JPH3: variants seen among roughly 807,000 people sequenced by gnomAD.
The protein encoded by JPH3 is junctophilin-3.
A neutral mutation model predicts 59.6 loss-of-function variants in JPH3; 11 were observed. The ratio of observed to expected loss-of-function variants is 0.18; its 90% CI spans 0.12 to 0.31. The LOEUF (loss-of-function observed/expected upper bound fraction) is 0.31. Ranked by LOEUF, JPH3 falls within the 10% of genes least tolerant of loss-of-function variation. The probability of loss-of-function intolerance (pLI) is 1.00; values close to 1 mark genes in which losing one functional copy is unlikely to be tolerated. For missense variants in JPH3, 1,202 were observed against 1,105.7 expected, an observed-to-expected ratio of 1.09 and a Z score of -1.24; for synonymous variants, 673 against 483.6, an observed-to-expected ratio of 1.39 and a Z score of -5.14.
chr16:87,677,181 T>TAC (rs1341594297), intron 2 of JPH3, among the ~76,000 whole-genome samples: 2 of 72,628 alleles, frequency 2.8e-5, no homozygotes, highest in East Asian at 4.9e-4. Context: ...GCACTATATA[T>TAC]ATATACACAC....
chr16:87,677,032 G>A (rs766150775), intron 2 of JPH3, among the ~76,000 whole-genome samples: 9 of 151,448 alleles, frequency 5.9e-5, no homozygotes, highest in Non-Finnish European at 1.2e-4. Context: ...GGTGGCGGGC[G>A]CCTGTAGTCC....
At chr16:87,632,041 CT>C (rs1463044860) in intron 1 of JPH3, among the ~76,000 whole-genome samples, 1 of 152,138 alleles carries the variant, frequency 6.6e-6, no homozygotes, top group Non-Finnish European at 1.5e-5. Context: ...AAGGCTTCTC[CT>C]TGTGTCTGAG....
rs908539600 is a variant in JPH3 at position 87,690,557 on chromosome 16, T to A, written c.2166+31T>A. On this transcript the variant is annotated intron_variant, in intron 4 of 4. Coordinates refer to ENST00000284262, the MANE Select transcript of JPH3 (RefSeq NM_020655.4). Reference sequence around the variant, plus strand: ...TGGGCGGCCACCAGGCTGGTCCCAGTGGAGGCAACATCCACCTCTCTGCTG... The same window carrying A: ...TGGGCGGCCACCAGGCTGGTCCCAGAGGAGGCAACATCCACCTCTCTGCTG... 2.8e-6 allele frequency: 4 copies of A among 1,444,246 alleles called. No individual in the cohort carries two copies. The African/African-American group carries it at 5.7e-5, about 21-fold the overall frequency. The allele number at this position is 1,444,246 out of a possible 1,614,324, so 89.5% of individuals were successfully genotyped here.
chr16:87,608,446 G>T (rs996257683), intron 1 of JPH3, among the ~76,000 whole-genome samples: 1 of 152,200 alleles, frequency 6.6e-6, no homozygotes, highest in Non-Finnish European at 1.5e-5. Context: ...TGGACTGGCC[G>T]CTTCCCCCGC....
At chr16:87,605,310 A>G (rs560429647) in intron 1 of JPH3, among the ~76,000 whole-genome samples, 2 of 152,334 alleles carry the variant, frequency 1.3e-5, no homozygotes, top group South Asian at 4.1e-4. Flanking sequence ...ACATCTCCAG[A>G]GTCCTGAGGA....
At chr16:87,657,413 G>A (rs2032539734) in intron 2 of JPH3, among the ~76,000 whole-genome samples, 1 of 152,138 alleles carries the variant, frequency 6.6e-6, no homozygotes. Context: ...AACGGGGAGT[G>A]GCTTCTTCAT....
At chr16:87,685,443 C>T (rs2033394277) in intron 3 of JPH3, among the ~76,000 whole-genome samples, 1 of 152,280 alleles carries the variant, frequency 6.6e-6, no homozygotes, top group Non-Finnish European at 1.5e-5. Context: ...GTCTCGCCCT[C>T]AGGCCCTGAG....
intron 4 of JPH3, among the ~76,000 whole-genome samples, chr16:87,691,329 G>C (rs532611573): frequency 6.6e-6 from 1 of 152,168 alleles, no homozygotes; most frequent in Non-Finnish European, 1.5e-5. Flanking sequence ...GCTGTGGGAC[G>C]GTGGCTACAT....
chr16:87,695,677 G>A, intron 4 of JPH3: 1 of 455,758 alleles, frequency 2.2e-6, no homozygotes, highest in South Asian at 1.5e-5. Context: ...CTGTAGGGCA[G>A]CACCCACCCC....
intron 2 of JPH3, among the ~76,000 whole-genome samples, chr16:87,645,385 TGTGCTAGCTA>T (rs2032112559): frequency 6.6e-6 from 1 of 152,244 alleles, no homozygotes; most frequent in African/African-American, 2.4e-5. Flanking sequence ...GGAGTGCTGC[TGTGCTAGCTA>T]GTAGGGGTGA....
At chr16:87,677,573 G>A (rs1455714577) in intron 2 of JPH3, among the ~76,000 whole-genome samples, 1 of 152,170 alleles carries the variant, frequency 6.6e-6, no homozygotes, top group Non-Finnish European at 1.5e-5. Flanking sequence ...TGAGGAAACT[G>A]AGGCCCAGAG....
chr16:87,683,732 G>A (rs1032332617), intron 2 of JPH3, among the ~76,000 whole-genome samples: 3 of 152,124 alleles, frequency 2.0e-5, no homozygotes, highest in South Asian at 2.1e-4. Flanking sequence ...TCAGTGTCCC[G>A]AGTAGCTGGG....
At chr16:87,637,871 G>A (rs2031809871) in intron 1 of JPH3, among the ~76,000 whole-genome samples, 1 of 152,062 alleles carries the variant, frequency 6.6e-6, no homozygotes. Flanking sequence ...GGGGGCTGCT[G>A]GTGTTCTGTG....
Position 87,644,821 on chromosome 16 carries a change from G to T in JPH3, c.946G>T (p.Ala316Ser). Residue 316 changes from alanine to serine, a missense_variant, in exon 2 of 5, where the codon GCC (alanine) becomes TCC (serine). Physicochemically the swap from Ala to Ser is moderately conservative, Grantham distance 99. Transcript: ENST00000284262. ...SDGLKYEGEWASNRRHGYGCM... is the reference protein window; with the variant it reads ...SDGLKYEGEWSSNRRHGYGCM... Reference sequence around the variant, plus strand: ...CGGGCTCAAGTACGAGGGCGAGTGGGCCAGCAACCGGCGCCATGGCTACGG... The same window carrying T: ...CGGGCTCAAGTACGAGGGCGAGTGGTCCAGCAACCGGCGCCATGGCTACGG... 2 of 1,613,384 alleles carry T rather than the reference G, an allele frequency of 1.2e-6. No individual in the cohort carries two copies. The highest frequency in any genetic ancestry group is 1.1e-5 in the South Asian group (1 of 91,068).
At chr16:87,643,217 A>G (rs1349413147) in intron 1 of JPH3, among the ~76,000 whole-genome samples, 1 of 152,154 alleles carries the variant, frequency 6.6e-6, no homozygotes, top group African/African-American at 2.4e-5. Flanking sequence ...CCTGTGTGAG[A>G]ATGTTCTACC....
At chr16:87,604,656 C>G (rs1004472810) in intron 1 of JPH3, 96 of 1,160,828 alleles carry the variant, frequency 8.3e-5, no homozygotes, top group Middle Eastern at 3.9e-4. Flanking sequence ...CCCGCCCGCT[C>G]GCTGCCTCCG....
chr16:87,650,297 A>C (rs1054936160), intron 2 of JPH3, among the ~76,000 whole-genome samples: 2 of 152,206 alleles, frequency 1.3e-5, no homozygotes, highest in African/African-American at 4.8e-5. Flanking sequence ...GGGATGCCAC[A>C]CATCGCACCC....
At chr16:87,630,754 G>C (rs865834636) in intron 1 of JPH3, among the ~76,000 whole-genome samples, 3 of 152,148 alleles carry the variant, frequency 2.0e-5, no homozygotes, top group Admixed American at 6.5e-5. Context: ...AAGTGGGTGT[G>C]TTTGCCGCTT....
At chr16:87,620,762 G>C (rs1436383478) in intron 1 of JPH3, among the ~76,000 whole-genome samples, 1 of 152,236 alleles carries the variant, frequency 6.6e-6, no homozygotes, top group Admixed American at 6.5e-5. Flanking sequence ...ATTTCCCAAG[G>C]CCACACGGTT....
Sources: allele counts gnomAD v4.1 joint callset (sites outside exome capture counted in the v4.1 genomes callset), GRCh38; gene constraint gnomAD v4.1.1; transcripts MANE v1.5; gene names NCBI Gene and HGNC (gene_info 2026-07-23, HGNC 2026-07-21).